Variants in CPA6 observed in about 807,000 individuals in gnomAD.
CPA6 encodes the protein carboxypeptidase A6.
In CPA6, 58 loss-of-function variants were observed where a neutral mutation model predicts 63.3. The observed-to-expected ratio is 0.92, with a 90% CI of 0.74 to 1.14. The LOEUF is 1.14. Ranked by LOEUF, CPA6 falls within the 50% of genes most tolerant of loss-of-function variation. The probability of loss-of-function intolerance (pLI) is 0.00; values close to 1 mark genes in which losing one functional copy is unlikely to be tolerated. For missense variants in CPA6, 565 were observed against 526.6 expected (o/e 1.07, Z -0.71); for synonymous variants, 185 against 179.0 (o/e 1.03, Z -0.27).
At chr8:67,549,369 A>G (rs1227623817) in intron 2 of CPA6, among the ~76,000 whole-genome samples, 8 of 152,212 alleles carry the variant, frequency 5.3e-5, no homozygotes, top group African/African-American at 1.9e-4. Flanking sequence ...ACGTTGAGGT[A>G]TGATTGACAT....
intron 8 of CPA6, among the ~76,000 whole-genome samples, chr8:67,447,506 TACACACACACACACACAC>T (rs56840320): frequency 4.2e-5 from 6 of 142,552 alleles, no homozygotes; most frequent in Admixed American, 6.9e-5. Flanking sequence ...TATGTGTGTA[TACACACACACACACACAC>T]ACACACACAC....
intron 2 of CPA6, among the ~76,000 whole-genome samples, chr8:67,553,147 G>A (rs1049816030): frequency 3.3e-5 from 5 of 152,102 alleles, no homozygotes; most frequent in African/African-American, 1.2e-4. Flanking sequence ...TTTTTATCAG[G>A]AGTTATAAAT....
At chr8:67,560,569 C>T (rs1185861283) in intron 2 of CPA6, among the ~76,000 whole-genome samples, 1 of 152,110 alleles carries the variant, frequency 6.6e-6, no homozygotes, top group Non-Finnish European at 1.5e-5. Context: ...GGGTGAGGGG[C>T]TGTAGAATCA....
chr8:67,672,049 T>G (rs969914434), intron 1 of CPA6, among the ~76,000 whole-genome samples: 1 of 152,026 alleles, frequency 6.6e-6, no homozygotes, highest in Non-Finnish European at 1.5e-5. Context: ...AGGCTGGTCT[T>G]GAACTCCTGA....
intron 1 of CPA6, among the ~76,000 whole-genome samples, chr8:67,719,434 GAA>G (rs552192271): frequency 6.6e-6 from 1 of 151,296 alleles, no homozygotes; most frequent in African/African-American, 2.4e-5. Flanking sequence ...TTATTTCGGG[GAA>G]AAAAAAATTA....
intron 1 of CPA6, among the ~76,000 whole-genome samples, chr8:67,728,110 AC>A (rs1158063052): frequency 7.0e-6 from 1 of 143,196 alleles, no homozygotes; most frequent in Non-Finnish European, 1.5e-5. Flanking sequence ...ACCCACAAAA[AC>A]CAACAAAACA....
intron 8 of CPA6, among the ~76,000 whole-genome samples, chr8:67,453,143 G>A (rs1810591565): frequency 6.6e-6 from 1 of 152,112 alleles, no homozygotes; most frequent in African/African-American, 2.4e-5. Context: ...GGCAAGGGTA[G>A]CAGCTGTGAG....
intron 3 of CPA6, among the ~76,000 whole-genome samples, chr8:67,515,535 T>A (rs991657480): frequency 1.3e-5 from 2 of 152,220 alleles, no homozygotes; most frequent in African/African-American, 2.4e-5. Context: ...AAGGTCAGCG[T>A]ATTCTCTTAT....
intron 2 of CPA6, among the ~76,000 whole-genome samples, chr8:67,619,723 C>A (rs1815037253): frequency 6.6e-6 from 1 of 152,200 alleles, no homozygotes; most frequent in African/African-American, 2.4e-5. Flanking sequence ...CACCAATAAA[C>A]CAACTCAGCA....
intron 1 of CPA6, among the ~76,000 whole-genome samples, chr8:67,632,204 T>C (rs1368162864): frequency 6.6e-6 from 1 of 151,928 alleles, no homozygotes; most frequent in Non-Finnish European, 1.5e-5. Context: ...ACAGTCTCGC[T>C]CTGTCATGCA....
At chr8:67,579,416 C>T (rs977785277) in intron 2 of CPA6, among the ~76,000 whole-genome samples, 1 of 151,806 alleles carries the variant, frequency 6.6e-6, no homozygotes, top group Admixed American at 6.6e-5. Context: ...CTGTCCCCAC[C>T]ACAAAAAAGA....
intron 3 of CPA6, among the ~76,000 whole-genome samples, chr8:67,513,349 GGT>G (rs1377568152): frequency 2.0e-5 from 3 of 152,138 alleles, no homozygotes; most frequent in Non-Finnish European, 4.4e-5. Context: ...AATCTGGGAT[GGT>G]CAAGAGGGAT....
intron 6 of CPA6, among the ~76,000 whole-genome samples, chr8:67,488,533 T>G (rs950606389): frequency 6.6e-5 from 10 of 152,192 alleles, no homozygotes; most frequent in African/African-American, 2.2e-4. Context: ...CTTGGCAACG[T>G]GGGCTCTTTT....
At chr8:67,461,033 G>C (rs1473262016) in intron 8 of CPA6, among the ~76,000 whole-genome samples, 1 of 150,932 alleles carries the variant, frequency 6.6e-6, no homozygotes, top group Non-Finnish European at 1.5e-5. Flanking sequence ...GTGGTGGAAG[G>C]AGCATAATTC....
At chr8:67,531,685 G>T (rs1341562920) in intron 2 of CPA6, among the ~76,000 whole-genome samples, 3 of 151,914 alleles carry the variant, frequency 2.0e-5, no homozygotes, top group Non-Finnish European at 4.4e-5. Context: ...AAATATATAT[G>T]GCAAAATGGA....
chr8:67,606,376 A>AT, intron 2 of CPA6, among the ~76,000 whole-genome samples: 1 of 152,260 alleles, frequency 6.6e-6, no homozygotes, highest in South Asian at 2.1e-4. Flanking sequence ...AAAGAATTCC[A>AT]TTTTTGATGA....
intron 8 of CPA6, among the ~76,000 whole-genome samples, chr8:67,439,282 T>C (rs1025088809): frequency 6.6e-6 from 1 of 150,704 alleles, no homozygotes; most frequent in African/African-American, 2.4e-5. Flanking sequence ...GACAGAGCAA[T>C]ACCCTCTTTC....
At chr8:67,451,138 C>A (rs1338538934) in intron 8 of CPA6, among the ~76,000 whole-genome samples, 1 of 152,138 alleles carries the variant, frequency 6.6e-6, no homozygotes, top group African/African-American at 2.4e-5. Flanking sequence ...GTACCTTAGA[C>A]CAGGGGTCCC....
At chr8:67,518,128 T>G in intron 2 of CPA6, 81 bp from the exon 3 acceptor site, 1 of 1,330,992 alleles carries the variant, frequency 7.5e-7, no homozygotes, top group Non-Finnish European at 1.0e-6. Context: ...CACATTCTTT[T>G]GTTTGCATAT....
Sources: allele counts gnomAD v4.1 joint callset (sites outside exome capture counted in the v4.1 genomes callset), GRCh38; gene constraint gnomAD v4.1.1; transcripts MANE v1.5; gene names NCBI Gene and HGNC (gene_info 2026-07-23, HGNC 2026-07-21).